NDE1: variants seen among roughly 807,000 people sequenced by gnomAD.
The protein encoded by NDE1 is nuclear distribution protein nudE homolog 1.
Under a neutral mutation model 43.4 loss-of-function variants are expected in NDE1, and 28 were observed. The observed-to-expected ratio is 0.65, with a 90% confidence interval of 0.48 to 0.89. The LOEUF (loss-of-function observed/expected upper bound fraction) is 0.89, where lower values mean the gene tolerates loss of function less well. Ranked by LOEUF, NDE1 falls within the 40% of genes least tolerant of loss-of-function variation. The pLI is 0.00. For synonymous variants in NDE1, 184 were observed against 172.0 expected (o/e 1.07, Z -0.55); for missense variants, 441 against 434.1 (o/e 1.02, Z -0.14).
chr16:15,691,555 G>A (rs568452864), intron 6 of NDE1, among the ~76,000 whole-genome samples: 2 of 152,164 alleles, frequency 1.3e-5, no homozygotes, highest in South Asian at 4.1e-4. Context: ...CACCCAGAGC[G>A]GGTGGCTGCC....
intron 7 of NDE1, chr16:15,695,608 T>C: frequency 1.0e-6 from 1 of 985,286 alleles, no homozygotes; most frequent in African/African-American, 1.7e-5. Context: ...ACATAGGTAT[T>C]CTTTGTAGTT....
intron 3 of NDE1, among the ~76,000 whole-genome samples, chr16:15,675,052 T>TG (rs959808904): frequency 4.6e-5 from 7 of 152,086 alleles, no homozygotes; most frequent in African/African-American, 1.7e-4. Flanking sequence ...TGAAGATTGC[T>TG]GGGGGCTTCA....
chr16:15,721,486 G>A lies in NDE1; in HGVS notation c.948-2705G>A, dbSNP rs2040481231. 1.9e-6 allele frequency: 3 copies of A among 1,614,140 alleles called. 1 individual carries two copies. Among genetic ancestry groups the A allele is most frequent in the Non-Finnish European group, 2.5e-6 (3 of 1,180,026 alleles). ...CATTTCGGCTTTGAGCATTTTGTTG[G>A]TCCGCTCGAGTTCCTCTTTGGCTTC... On this transcript the variant is annotated intron_variant, in intron 8 of 8. Coordinates refer to ENST00000396354, the MANE Select transcript of NDE1 (RefSeq NM_017668.3).
Position 15,660,217 on chromosome 16 carries a change from C to G in NDE1, c.-43-4519C>G, listed in dbSNP as rs371280249. ...TTCTTGCTGGGTGTGGTGGCTCACA[C>G]CTAGAATCCTAGTGCTTTGGGAGTA... On this transcript the variant is annotated intron_variant, in intron 1 of 8. Transcript: ENST00000396354. Among the ~76,000 whole-genome samples, 8 of 152,162 alleles carry G rather than the reference C, an allele frequency of 5.3e-5. No homozygotes were observed. In the East Asian group the frequency reaches 1.5e-3, roughly 29 times the overall value.
chr16:15,689,570 C>T (rs976176759), intron 5 of NDE1, among the ~76,000 whole-genome samples: 2 of 152,084 alleles, frequency 1.3e-5, no homozygotes, highest in African/African-American at 4.8e-5. Flanking sequence ...TTGTATGTTT[C>T]CAGTAATGCT....
At position 15,694,353 on chromosome 16, in the gene NDE1, C is replaced by CT. The variant is rs201614177; in HGVS notation, c.795+106dup. The CT allele has an allele frequency of 1.0e-3, 1,525 of 1,508,518 alleles. 9 individuals are homozygous for CT. The East Asian group carries it at 0.018, about 18-fold the overall frequency. 93.4% of individuals were successfully genotyped at this position (1,508,518 alleles called of 1,614,324 possible). ...AGTTCCTTCCCTCTCTTCTTTTTTTCTTTTTTTTTAGAGACAGGGTCTTGC... is the reference window on the plus strand; with the variant it reads ...AGTTCCTTCCCTCTCTTCTTTTTTTCTTTTTTTTTTAGAGACAGGGTCTTGC... On this transcript the variant is annotated intron_variant, in intron 7 of 8. Transcript: ENST00000396354.
chr16:15,681,172 C>G (rs2038155811), intron 4 of NDE1, among the ~76,000 whole-genome samples: 1 of 127,034 alleles, frequency 7.9e-6, no homozygotes, highest in African/African-American at 3.0e-5. Flanking sequence ...ATTTTTGTAT[C>G]TAGTATAAGA....
chr16:15,678,026 C>CG, intron 4 of NDE1, 77 bp downstream of exon 4: 3 of 1,562,070 alleles, frequency 1.9e-6, no homozygotes, highest in Non-Finnish European at 2.6e-6. Context: ...GTACTGGGCC[C>CG]TGTGCTGAGT....
chr16:15,720,049 A>G, intron 8 of NDE1: 1 of 1,464,966 alleles, frequency 6.8e-7, no homozygotes, highest in Non-Finnish European at 9.6e-7. Flanking sequence ...CACCAATGGC[A>G]GGTGCAGGCT....
Position 15,668,620 on chromosome 16 carries a change from T to C in NDE1, c.237+1181T>C, listed in dbSNP as rs2037436595. ...TAGAGTAATATCATCAGGTCCAATA[T>C]TGTAGCCCTTAGCTACATTTGGCTG... On this transcript the variant is annotated intron_variant, in intron 3 of 8. Transcript: ENST00000396354. Among the ~76,000 whole-genome samples, 3 of 152,206 alleles carry C rather than the reference T, an allele frequency of 2.0e-5. No homozygotes were observed. In the South Asian group the frequency reaches 6.2e-4, roughly 31 times the overall value.
intron 8 of NDE1, chr16:15,721,249 C>A: frequency 1.1e-6 from 1 of 944,100 alleles, no homozygotes; most frequent in Non-Finnish European, 1.6e-6. Flanking sequence ...GACCCATCCT[C>A]GACTGCCATT....
chr16:15,713,562 C>T (rs984343812), intron 8 of NDE1: 6 of 152,240 alleles, frequency 3.9e-5, no homozygotes, highest in African/African-American at 1.2e-4. Flanking sequence ...TTGGCTAGAT[C>T]ATGGCTCACT....
intron 5 of NDE1, among the ~76,000 whole-genome samples, chr16:15,687,884 G>C (rs558753150): frequency 3.3e-5 from 5 of 152,220 alleles, no homozygotes; most frequent in Admixed American, 6.5e-5. Flanking sequence ...AGTAGGAACA[G>C]AGAGTTTTGT....
rs2040631048 is a variant in NDE1, at chr16:15,724,235, C to T, written c.992C>T (p.Ser331Leu). The stretch of plus-strand genomic sequence containing the variant: ...TGGTTGTCCAAATCAACAACCAGGT[C>T]GTCCAGCTCCTGCTGAAGCCTGTTC... ...CRWLSKSTTR[S>L]SSSC The change falls in exon 9 of 9, where the codon TCG (serine) becomes TTG (leucine). Residue 331 changes from serine (S) to leucine (L), a missense_variant. Ser to Leu is a moderately radical substitution (Grantham distance 145, BLOSUM62 -2). Transcript: ENST00000396354. The T allele has an allele frequency of 6.2e-7, 1 of 1,614,190 alleles. No homozygotes were observed. Among genetic ancestry groups the T allele is most frequent in the African/African-American group, 1.3e-5 (1 of 75,058 alleles).
intron 1 of NDE1, among the ~76,000 whole-genome samples, chr16:15,651,223 G>A (rs1240202598): frequency 2.6e-5 from 4 of 152,066 alleles, no homozygotes; most frequent in African/African-American, 9.7e-5. Flanking sequence ...TGAGCCTCAG[G>A]CCCCTTTTAA....
At chr16:15,651,119 G>T (rs1238881622) in intron 1 of NDE1, among the ~76,000 whole-genome samples, 1 of 152,172 alleles carries the variant, frequency 6.6e-6, no homozygotes, top group East Asian at 1.9e-4. Flanking sequence ...TATCTTCTCC[G>T]AGCCATCTCA....
intron 8 of NDE1, among the ~76,000 whole-genome samples, chr16:15,707,738 A>G (rs58842869): frequency 1.3e-5 from 2 of 152,172 alleles, no homozygotes; most frequent in Admixed American, 1.3e-4. Context: ...TGGGGAGGCC[A>G]AGGCGCGCGG....
upstream of NDE1, among the ~76,000 whole-genome samples, chr16:15,647,309 G>A (rs190186616): frequency 1.9e-3 from 287 of 152,308 alleles, 6 homozygotes; most frequent in Admixed American, 0.017. Context: ...TAATAGCTAA[G>A]ATCTCTTTGC....
chr16:15,664,493 A>G (rs1290963125), intron 1 of NDE1, among the ~76,000 whole-genome samples: 2 of 151,934 alleles, frequency 1.3e-5, no homozygotes, highest in Non-Finnish European at 2.9e-5. Flanking sequence ...AGTAGCTGGG[A>G]CTACAGGCAC....
Sources: gnomAD v4.1 joint callset for allele counts (sites outside exome capture counted in the v4.1 genomes callset) on GRCh38, gnomAD v4.1.1 for gene constraint, MANE v1.5 for transcripts, NCBI Gene and HGNC (gene_info 2026-07-23, HGNC 2026-07-21) for gene names.